Variants in KCTD12 observed in about 807,000 individuals in gnomAD.
The protein encoded by KCTD12 is BTB/POZ domain-containing protein KCTD12.
A neutral mutation model predicts 22.6 loss-of-function variants in KCTD12; 16 were observed. The observed-to-expected ratio is 0.71, with a 90% CI of 0.48 to 1.07. The LOEUF (loss-of-function observed/expected upper bound fraction) is 1.07, where lower values mean the gene tolerates loss of function less well. Ranked by LOEUF, KCTD12 falls within the 50% of genes least tolerant of loss-of-function variation. The pLI is 0.00. For synonymous variants in KCTD12, 260 were observed against 228.0 expected (o/e 1.14, Z -1.26); for missense variants, 452 against 469.2 (o/e 0.96, Z 0.34).
Position 76,883,595 on chromosome 13 carries a change from A to G in KCTD12, c.*1576T>C, listed in dbSNP as rs1457755117. On this transcript the variant is annotated 3_prime_UTR_variant, in exon 1 of 1. Coordinates refer to ENST00000377474, the MANE Select transcript of KCTD12 (RefSeq NM_138444.4). ...TTTATTGCTCAGCTCACTTTTAAGTACTTATTTGCCTTCATTTAAAAATAT... is the reference window on the plus strand; with the variant it reads ...TTTATTGCTCAGCTCACTTTTAAGTGCTTATTTGCCTTCATTTAAAAATAT... The G allele has an allele frequency of 1.3e-5, 2 of 152,660 alleles. No homozygotes were observed. Among genetic ancestry groups the G allele is most frequent in the Admixed American group, 1.3e-4 (2 of 15,286 alleles). The allele number at this position is 152,660 out of a possible 1,614,324, so 9.5% of individuals were successfully genotyped here.
At position 76,882,665 on chromosome 13, in the gene KCTD12, A is replaced by C. The variant is rs1298372060; in HGVS notation, c.*2506T>G. ...CCATACGGGGTAGAGAAATCTCTGC[A>C]ACACTGACTTTTGGTCAGTGAATCA... On this transcript the variant is annotated 3_prime_UTR_variant, in exon 1 of 1. Transcript: ENST00000377474. 6.6e-6 allele frequency: 1 copy of C among 152,222 alleles called. No individual in the cohort carries two copies. Among genetic ancestry groups the C allele is most frequent in the Non-Finnish European group, 1.5e-5 (1 of 68,036 alleles). The allele number at this position is 152,222 out of a possible 1,614,324, so 9.4% of individuals were successfully genotyped here.
Position 76,885,253 on chromosome 13 carries a change from G to A in KCTD12, c.896C>T (p.Thr299Ile), listed in dbSNP as rs545985417. The A allele has an allele frequency of 6.2e-7, 1 of 1,614,116 alleles. No homozygotes were observed. ...FHMVACSSTG[T>I]CAFASSTDQS... ...GTCGGTGCTGCTGGCAAAGGCGCAG[G>A]TGCCCGTGGAGCTGCACGCCACCAT... is the stretch of plus-strand genomic sequence containing the variant. Residue 299 changes from threonine to isoleucine, a missense_variant, in exon 1 of 1, where the codon ACC becomes ATC. Coordinates refer to ENST00000377474, the MANE Select transcript of KCTD12 (RefSeq NM_138444.4). This position sits in a 1 kb window ranked among gnomAD's most constrained non-coding sequence, Gnocchi z 5.1.
rs770446602 is a variant in KCTD12 at position 76,885,543 on chromosome 13, G to C, written c.606C>G (p.Asp202Glu). The change falls in exon 1 of 1, where the codon GAC becomes GAG. Residue 202 changes from aspartate to glutamate, a missense_variant. Physicochemically the swap from Asp to Glu is conservative, Grantham distance 45. Transcript: ENST00000377474. The surrounding 1 kb of genome is among the most constrained non-coding windows in gnomAD (Gnocchi z 5.1). ...GPLLTPSQSL[D>E]GSRRSGYITI... ...TGATGTAGCCCGAGCGCCGGCTGCC[G>C]TCCAGCGACTGGGACGGCGTGAGCA... is the stretch of plus-strand genomic sequence containing the variant. 17 of 1,566,906 alleles carry C rather than the reference G, an allele frequency of 1.1e-5. No homozygotes were observed. The highest frequency in any genetic ancestry group is 1.4e-5 in the Non-Finnish European group (16 of 1,160,690).
rs1032508680 is a variant in KCTD12 at position 76,883,144 on chromosome 13, TA to T, written c.*2026del. The stretch of plus-strand genomic sequence containing the variant: ...AATATAGGAAATTTTATAGCATTAG[TA>T]AATGAATTAAAAAACTAAATGATTC... On this transcript the variant is annotated 3_prime_UTR_variant, in exon 1 of 1. Transcript: ENST00000377474. 3 of 152,212 alleles carry T rather than the reference TA, an allele frequency of 2.0e-5. No individual in the cohort carries two copies. Among genetic ancestry groups the T allele is most frequent in the African/African-American group, 7.2e-5 (3 of 41,448 alleles). The allele number at this position is 152,212 out of a possible 1,614,324, so 9.4% of individuals were successfully genotyped here. A position where few individuals can be genotyped will look rare whatever the true frequency, so the allele number is the denominator to read the frequency against.
In KCTD12 at chr13:76,880,317, A is replaced by G. The variant is rs1442517990; in HGVS notation, c.*4854T>C. ...CAACTGGTTGTGAACAGGAAGAACA[A>G]AAATCTTTATAGCATTAGATGGTTG... On this transcript the variant is annotated 3_prime_UTR_variant, in exon 1 of 1. Coordinates refer to ENST00000377474, the MANE Select transcript of KCTD12 (RefSeq NM_138444.4). 1 of 152,702 alleles carries G rather than the reference A, an allele frequency of 6.5e-6. No homozygotes were observed. Among genetic ancestry groups the G allele is most frequent in the Non-Finnish European group, 1.5e-5 (1 of 68,050 alleles). The allele number at this position is 152,702 out of a possible 1,614,324, so 9.5% of individuals were successfully genotyped here.
At position 76,885,908 on chromosome 13, in the gene KCTD12, A is replaced by G; in HGVS notation, c.241T>C (p.Phe81Leu). 6.3e-7 allele frequency: 1 copy of G among 1,597,048 alleles called. No homozygotes were observed. The highest frequency in any genetic ancestry group is 8.5e-7 in the Non-Finnish European group (1 of 1,179,244). The change falls in exon 1 of 1, where the codon TTT becomes CTT. Residue 81 changes from phenylalanine (F) to leucine (L), a missense_variant. Transcript: ENST00000377474. The surrounding 1 kb of genome is among the most constrained non-coding windows in gnomAD (Gnocchi z 5.1). ...AAGAGGAAGCCGTCCCGGTCCAGAAAGAAGCGGCCTTTGCTGTCCCGGGCC... is the reference window on the plus strand; with the variant it reads ...AAGAGGAAGCCGTCCCGGTCCAGAAGGAAGCGGCCTTTGCTGTCCCGGGCC... ...ELARDSKGRF[F>L]LDRDGFLFRY...
Position 76,881,319 on chromosome 13 carries a change from T to G in KCTD12, c.*3852A>C, listed in dbSNP as rs1328104368. The G allele has an allele frequency of 1.3e-5, 2 of 151,304 alleles. No individual in the cohort carries two copies. The highest frequency in any genetic ancestry group is 1.5e-5 in the Non-Finnish European group (1 of 67,244). 9.4% of individuals were successfully genotyped at this position (151,304 alleles called of 1,614,324 possible). On this transcript the variant is annotated 3_prime_UTR_variant, in exon 1 of 1. Transcript: ENST00000377474. ...TTCTCAAGGAATTCAACCCCTCCAG[T>G]CAATACTTTTTCTTAATGTCTGCAT...
rs1192639163 is a variant in KCTD12 at position 76,885,154 on chromosome 13, G to A, written c.*17C>T. 1 of 1,603,900 alleles carries A rather than the reference G, an allele frequency of 6.2e-7. No homozygotes were observed. Among genetic ancestry groups the A allele is most frequent in the Non-Finnish European group, 8.5e-7 (1 of 1,173,052 alleles). On this transcript the variant is annotated 3_prime_UTR_variant, in exon 1 of 1. Coordinates refer to ENST00000377474, the MANE Select transcript of KCTD12 (RefSeq NM_138444.4). The surrounding 1 kb of genome is among the most constrained non-coding windows in gnomAD (Gnocchi z 5.1). ...GAGAAGGACTGGGCGCTGGAGTGGC[G>A]AGGGGGTCTGGGGAGCTCACTCCCT... is the stretch of plus-strand genomic sequence containing the variant.
In KCTD12 at chr13:76,886,078, G is replaced by C; in HGVS notation, c.71C>G (p.Ser24Trp). Residue 24 changes from serine (S) to tryptophan (W), a missense_variant, in exon 1 of 1, where the codon TCG becomes TGG. Ser to Trp is a radical substitution (Grantham distance 177). Transcript: ENST00000377474. ...GGGGGGSGSSSSSAEPPLFPD... is the reference protein window; with the variant it reads ...GGGGGGSGSSWSSAEPPLFPD... Reference sequence around the variant, plus strand: ...GAAGAGCGGTGGCTCCGCGGAGGACGACGAGGAGCCACTGCCGCCCCCGCC... The same window carrying C: ...GAAGAGCGGTGGCTCCGCGGAGGACCACGAGGAGCCACTGCCGCCCCCGCC... The C allele has an allele frequency of 6.5e-7, 1 of 1,544,832 alleles. No homozygotes were observed. The highest frequency in any genetic ancestry group is 8.7e-7 in the Non-Finnish European group (1 of 1,146,712).
At position 76,881,006 on chromosome 13, in the gene KCTD12, T is replaced by G. The variant is rs955430291; in HGVS notation, c.*4165A>C. 2.0e-5 allele frequency: 3 copies of G among 152,132 alleles called. No homozygotes were observed. The highest frequency in any genetic ancestry group is 7.2e-5 in the African/African-American group (3 of 41,440). 9.4% of individuals were successfully genotyped at this position (152,132 alleles called of 1,614,324 possible). On this transcript the variant is annotated 3_prime_UTR_variant, in exon 1 of 1. Coordinates refer to ENST00000377474, the MANE Select transcript of KCTD12 (RefSeq NM_138444.4). ...CTTTCAGATTTTTATTGTCCAAAAC[T>G]GTTGACAAAGAAAAGCTAACTTCAA...
In KCTD12 at chr13:76,886,090, C is replaced by A. The variant is rs1289945503; in HGVS notation, c.59G>T (p.Ser20Ile). ...LPNGGGGGGG[S>I]GSSSSSAEPP... Reference sequence around the variant, plus strand: ...CTCCGCGGAGGACGACGAGGAGCCACTGCCGCCCCCGCCGCCGCCCCCGTT... The same window carrying A: ...CTCCGCGGAGGACGACGAGGAGCCAATGCCGCCCCCGCCGCCGCCCCCGTT... The change falls in exon 1 of 1, where the codon AGT becomes ATT. Residue 20 changes from serine (S) to isoleucine (I), a missense_variant. Around this residue, in one of 2 missense-constraint regions of KCTD12, gnomAD observed 330 missense variants for 296.5 expected, o/e 1.11. Transcript: ENST00000377474. 6.5e-7 allele frequency: 1 copy of A among 1,548,836 alleles called. No individual in the cohort carries two copies. Among genetic ancestry groups the A allele is most frequent in the African/African-American group, 1.4e-5 (1 of 72,998 alleles).
At position 76,884,812 on chromosome 13, in the gene KCTD12, T is replaced by A. The variant is rs1288932566; in HGVS notation, c.*359A>T. On this transcript the variant is annotated 3_prime_UTR_variant, in exon 1 of 1. Transcript: ENST00000377474. ...TCCAATCAGGTTCTGAACAATTCAATCATCCCCCGGTCTGTGGCCACACTC... is the reference window on the plus strand; with the variant it reads ...TCCAATCAGGTTCTGAACAATTCAAACATCCCCCGGTCTGTGGCCACACTC... The A allele has an allele frequency of 3.9e-6, 1 of 254,578 alleles. No homozygotes were observed. Among genetic ancestry groups the A allele is most frequent in the Non-Finnish European group, 7.7e-6 (1 of 130,590 alleles). The allele number at this position is 254,578 out of a possible 1,614,324, so 15.8% of individuals were successfully genotyped here.
Position 76,886,024 on chromosome 13 carries a change from C to A in KCTD12, c.125G>T (p.Gly42Val), listed in dbSNP as rs1566375985. 1.3e-6 allele frequency: 2 copies of A among 1,589,324 alleles called. No individual in the cohort carries two copies. Among genetic ancestry groups the A allele is most frequent in the South Asian group, 1.1e-5 (1 of 88,552 alleles). ...FPDIVELNVG[G>V]QVYVTRRCTV... ...GCAGCGCCGGGTCACGTACACCTGG[C>A]CCCCCACGTTCAGCTCCACGATGTC... The change falls in exon 1 of 1, where the codon GGC becomes GTC. Residue 42 changes from glycine to valine, a missense_variant. Around this residue, in one of 2 missense-constraint regions of KCTD12, gnomAD observed 330 missense variants for 296.5 expected, o/e 1.11. Transcript: ENST00000377474.
At position 76,882,080 on chromosome 13, in the gene KCTD12, C is replaced by T. The variant is rs2033210415; in HGVS notation, c.*3091G>A. The T allele has an allele frequency of 1.3e-5, 2 of 152,182 alleles. No individual in the cohort carries two copies. Among genetic ancestry groups the T allele is most frequent in the African/African-American group, 2.4e-5 (1 of 41,444 alleles). 9.4% of individuals were successfully genotyped at this position (152,182 alleles called of 1,614,324 possible). A position where few individuals can be genotyped will look rare whatever the true frequency, so the allele number is the denominator to read the frequency against. On this transcript the variant is annotated 3_prime_UTR_variant, in exon 1 of 1. Transcript: ENST00000377474. ...CTCAAATGAACCCACAATACCTCCA[C>T]TATTACAGCTTATAGGAAATTACAA...
In KCTD12 at chr13:76,885,300, C is replaced by T. The variant is rs2033251345; in HGVS notation, c.849G>A (p.Lys283=). ...KFNFLEQAFD[K]LSESGFHMVA... is the part of the protein sequence containing the mutation. ...CCATGTGGAAGCCCGACTCGGACAGCTTGTCGAAGGCCTGCTCCAGGAAGT... is the reference window on the plus strand; with the variant it reads ...CCATGTGGAAGCCCGACTCGGACAGTTTGTCGAAGGCCTGCTCCAGGAAGT... Residue 283 remains lysine, a synonymous_variant, in exon 1 of 1, where the codon AAG becomes AAA. Coordinates refer to ENST00000377474, the MANE Select transcript of KCTD12 (RefSeq NM_138444.4). This position sits in a 1 kb window ranked among gnomAD's most constrained non-coding sequence, Gnocchi z 5.1. 3.1e-6 allele frequency: 5 copies of T among 1,613,978 alleles called. No homozygotes were observed. The African/African-American group carries it at 4.0e-5, about 13-fold the overall frequency.
rs923705066 is a variant in KCTD12 at position 76,885,822 on chromosome 13, C to T, written c.327G>A (p.Glu109=). Residue 109 remains glutamate, a synonymous_variant, in exon 1 of 1, where the codon GAG becomes GAA. Transcript: ENST00000377474. The surrounding 1 kb of genome is among the most constrained non-coding windows in gnomAD (Gnocchi z 5.1). ...LQLVLPDYFP[E]RSRLQREAEY... ...CGGCCTCGCGCTGCAGCCGGCTGCG[C>T]TCGGGGAAGTAGTCGGGCAGCACGA... 1.9e-6 allele frequency: 3 copies of T among 1,594,562 alleles called. No individual in the cohort carries two copies. The highest frequency in any genetic ancestry group is 2.5e-6 in the Non-Finnish European group (3 of 1,178,432).
chr13:76,885,157 G>C lies in KCTD12; in HGVS notation c.*14C>G. ...AAGGACTGGGCGCTGGAGTGGCGAGGGGGTCTGGGGAGCTCACTCCCTGCA... is the reference window on the plus strand; with the variant it reads ...AAGGACTGGGCGCTGGAGTGGCGAGCGGGTCTGGGGAGCTCACTCCCTGCA... On this transcript the variant is annotated 3_prime_UTR_variant, in exon 1 of 1. Transcript: ENST00000377474. The surrounding 1 kb of genome is among the most constrained non-coding windows in gnomAD (Gnocchi z 5.1). 6 of 1,604,504 alleles carry C rather than the reference G, an allele frequency of 3.7e-6. No individual in the cohort carries two copies. The highest frequency in any genetic ancestry group is 5.1e-6 in the Non-Finnish European group (6 of 1,173,320).
In KCTD12 at chr13:76,886,024, C is replaced by G. The variant is rs1566375985; in HGVS notation, c.125G>C (p.Gly42Ala). 1 of 1,589,206 alleles carries G rather than the reference C, an allele frequency of 6.3e-7. No individual in the cohort carries two copies. The highest frequency in any genetic ancestry group is 8.5e-7 in the Non-Finnish European group (1 of 1,172,124). ...GCAGCGCCGGGTCACGTACACCTGG[C>G]CCCCCACGTTCAGCTCCACGATGTC... ...FPDIVELNVG[G>A]QVYVTRRCTV... Residue 42 changes from glycine to alanine, a missense_variant, in exon 1 of 1, where the codon GGC becomes GCC. Physicochemically the swap from Gly to Ala is moderately conservative, Grantham distance 60 (BLOSUM62 0). Transcript: ENST00000377474.
In KCTD12 at chr13:76,886,346, T is replaced by TGTGCGCCCCCTTGAGTTCCA; in HGVS notation, c.-218_-199dup. 1 of 459,122 alleles carries TGTGCGCCCCCTTGAGTTCCA rather than the reference T, an allele frequency of 2.2e-6. No homozygotes were observed. Among genetic ancestry groups the TGTGCGCCCCCTTGAGTTCCA allele is most frequent in the Non-Finnish European group, 3.2e-6 (1 of 309,120 alleles). The allele number at this position is 459,122 out of a possible 1,614,324, so 28.4% of individuals were successfully genotyped here. A position where few individuals can be genotyped will look rare whatever the true frequency, so the allele number is the denominator to read the frequency against. The stretch of plus-strand genomic sequence containing the variant: ...GAGCCGAGCGGTGCGAGCGCGCCGC[T>TGTGCGCCCCCTTGAGTTCCA]GTGCGCCCCCTTGAGTTCCAGTGCG... On this transcript the variant is annotated 5_prime_UTR_variant, in exon 1 of 1. Coordinates refer to ENST00000377474, the MANE Select transcript of KCTD12 (RefSeq NM_138444.4).
Sources: gnomAD v4.1 joint callset for allele counts on GRCh38, gnomAD v4.1.1 for gene constraint, gnomAD v4.1.1 regional missense constraint, Gnocchi (gnomAD v3.1) non-coding constraint, MANE v1.5 for transcripts, NCBI Gene and HGNC (gene_info 2026-07-23, HGNC 2026-07-21) for gene names.